Variants in PTPRD observed in about 807,000 individuals in gnomAD.
The protein encoded by PTPRD is receptor-type tyrosine-protein phosphatase delta.
A neutral mutation model predicts 214.5 loss-of-function variants in PTPRD; 34 were observed. The ratio of observed to expected loss-of-function variants is 0.16; its 90% CI spans 0.12 to 0.21. The LOEUF is 0.21. Among genes scored for constraint, PTPRD ranks in the 10% least tolerant of loss-of-function variants. The pLI, the probability that PTPRD is intolerant of heterozygous loss-of-function variation, is 1.00. For synonymous variants in PTPRD, 1,128 were observed against 845.7 expected (o/e 1.33, Z -5.79); for missense variants, 2,545 against 2,398.7 (o/e 1.06, Z -1.27).
At chr9:10,062,247 C>T (rs554880169) in intron 3 of PTPRD, among the ~76,000 whole-genome samples, 4 of 151,998 alleles carry the variant, frequency 2.6e-5, no homozygotes, top group Admixed American at 2.6e-4. Context: ...CTATCCACAG[C>T]GTGATAAGTA....
intron 5 of PTPRD, among the ~76,000 whole-genome samples, chr9:9,904,738 T>C (rs1161332177): frequency 6.6e-6 from 1 of 152,110 alleles, no homozygotes; most frequent in Non-Finnish European, 1.5e-5. Context: ...AAACATCTTT[T>C]TAATTTGAGA....
intron 11 of PTPRD, among the ~76,000 whole-genome samples, chr9:8,823,794 G>C (rs183443273): frequency 5.4e-4 from 82 of 152,306 alleles, no homozygotes; most frequent in Non-Finnish European, 1.0e-3. Flanking sequence ...CGCGAGAAAA[G>C]ATTAACGGTG....
At chr9:9,415,558 T>G (rs1473693444) in intron 8 of PTPRD, among the ~76,000 whole-genome samples, 4 of 152,176 alleles carry the variant, frequency 2.6e-5, no homozygotes, top group Non-Finnish European at 5.9e-5. Context: ...AAATGTTTGC[T>G]AAATTAGTGG....
intron 11 of PTPRD, among the ~76,000 whole-genome samples, chr9:8,841,066 T>C (rs978262788): frequency 3.3e-5 from 5 of 152,158 alleles, no homozygotes; most frequent in Non-Finnish European, 5.9e-5. Flanking sequence ...GATGAGAAGA[T>C]GGACTATTAA....
chr9:10,483,169 A>G (rs1320385555), intron 2 of PTPRD, among the ~76,000 whole-genome samples: 1 of 152,188 alleles, frequency 6.6e-6, no homozygotes, highest in Non-Finnish European at 1.5e-5. Context: ...ATCATATAAA[A>G]ACACAAATTG....
At chr9:8,538,624 CAT>C (rs1271623310) in intron 14 of PTPRD, among the ~76,000 whole-genome samples, 5 of 150,898 alleles carry the variant, frequency 3.3e-5, no homozygotes, top group Admixed American at 2.7e-4. Context: ...TATGTACACA[CAT>C]ATATATATAC....
chr9:9,799,931 G>A (rs1410267256), intron 5 of PTPRD, among the ~76,000 whole-genome samples: 2 of 151,990 alleles, frequency 1.3e-5, no homozygotes, highest in African/African-American at 4.8e-5. Context: ...AAAAGGACAA[G>A]GATTAAACCT....
intron 4 of PTPRD, among the ~76,000 whole-genome samples, chr9:10,032,728 C>T (rs1567206564): frequency 6.6e-6 from 1 of 152,080 alleles, no homozygotes; most frequent in African/African-American, 2.4e-5. Context: ...TGATAAAAAT[C>T]AGGAGAAGGC....
Position 8,636,734 on chromosome 9 carries a change from T to G in PTPRD, c.175A>C (p.Lys59Gln). ...TGATTGCTGACTTTCTTTCCTTTTT[T>G]GTTCCAGACAATTTTAGGTCTTGGG... The part of the protein sequence containing the change: ...GDPRPKIVWN[K>Q]KGKKVSNQRF... Residue 59 changes from lysine (K) to glutamine (Q), a missense_variant, in exon 13 of 46, where the codon AAA becomes CAA. Transcript: ENST00000381196. 6.2e-7 allele frequency: 1 copy of G among 1,614,102 alleles called. No individual in the cohort carries two copies. The highest frequency in any genetic ancestry group is 8.5e-7 in the Non-Finnish European group (1 of 1,179,970).
intron 2 of PTPRD, among the ~76,000 whole-genome samples, chr9:10,475,526 T>C (rs1434087313): frequency 1.3e-5 from 2 of 152,032 alleles, no homozygotes; most frequent in African/African-American, 2.4e-5. Context: ...CAGGACCAGA[T>C]GGATTCACAG....
At position 9,271,958 on chromosome 9, in the gene PTPRD, A is replaced by G. The variant is rs368990659; in HGVS notation, c.-202-88595T>C. Reference sequence around the variant, plus strand: ...GTTTATAGAGATACAAATCTGCTATATTGCATTATTATTTCTTTCATGAGG... The same window carrying G: ...GTTTATAGAGATACAAATCTGCTATGTTGCATTATTATTTCTTTCATGAGG... On this transcript the variant is annotated intron_variant, in intron 9 of 45. Coordinates refer to ENST00000381196, the MANE Select transcript of PTPRD (RefSeq NM_002839.4). 1.1e-3 allele frequency among the ~76,000 whole-genome samples: 168 copies of G among 151,448 alleles called. 2 individuals carry two copies. The South Asian group carries it at 0.033, about 30-fold the overall frequency.
At chr9:9,215,800 A>T (rs2099951770) in intron 9 of PTPRD, among the ~76,000 whole-genome samples, 1 of 152,170 alleles carries the variant, frequency 6.6e-6, no homozygotes, top group Non-Finnish European at 1.5e-5. Context: ...AAAATCCTCT[A>T]TGTATCAAGA....
chr9:8,907,400 C>T (rs1197661812), intron 11 of PTPRD, among the ~76,000 whole-genome samples: 1 of 151,214 alleles, frequency 6.6e-6, no homozygotes, highest in East Asian at 1.9e-4. Context: ...CACCTGTAAT[C>T]CCAGCTACTC....
intron 8 of PTPRD, among the ~76,000 whole-genome samples, chr9:9,509,995 G>T (rs533906376): frequency 2.0e-5 from 3 of 151,592 alleles, no homozygotes. Context: ...AGAAGAGTGA[G>T]AAATCAGAAC....
rs776781891 is a variant in PTPRD at position 8,460,452 on chromosome 9, G to C, written c.3834C>G (p.Val1278=). 1 of 1,613,422 alleles carries C rather than the reference G, an allele frequency of 6.2e-7. No individual in the cohort carries two copies. The highest frequency in any genetic ancestry group is 8.5e-7 in the Non-Finnish European group (1 of 1,179,598). ...TAGCAATGACAATGCAGATGATAAAGACCACTGCAAGGACAGGACCTACAA... is the reference window on the plus strand; with the variant it reads ...TAGCAATGACAATGCAGATGATAAACACCACTGCAAGGACAGGACCTACAA... ...IWVVGPVLAV[V]FIICIVIAIL... is the part of the protein sequence containing the mutation. Residue 1278 remains valine (V), a synonymous_variant, in exon 33 of 46, where the codon GTC becomes GTG. Transcript: ENST00000381196.
At chr9:10,026,868 A>C (rs1652963755) in intron 4 of PTPRD, among the ~76,000 whole-genome samples, 1 of 140,912 alleles carries the variant, frequency 7.1e-6, no homozygotes, top group Non-Finnish European at 1.6e-5. Context: ...AGTGTCTTTC[A>C]AAAAAAAAAA....
intron 9 of PTPRD, among the ~76,000 whole-genome samples, chr9:9,220,925 G>A (rs570097403): frequency 2.6e-4 from 40 of 152,188 alleles, no homozygotes; most frequent in Non-Finnish European, 5.0e-4. Context: ...TGGTGTATGA[G>A]TAGGAAAGTA....
At chr9:9,820,632 C>T (rs547069791) in intron 5 of PTPRD, among the ~76,000 whole-genome samples, 1 of 152,202 alleles carries the variant, frequency 6.6e-6, no homozygotes, top group Admixed American at 6.6e-5. Flanking sequence ...ACATTTAAAT[C>T]TTTAATCCAT....
intron 2 of PTPRD, among the ~76,000 whole-genome samples, chr9:10,473,307 T>A (rs1470624838): frequency 6.6e-6 from 1 of 152,112 alleles, no homozygotes; most frequent in Non-Finnish European, 1.5e-5. Flanking sequence ...CACATTCACA[T>A]ACCAAAAAGC....
Sources: allele counts gnomAD v4.1 joint callset (sites outside exome capture counted in the v4.1 genomes callset), GRCh38; gene constraint gnomAD v4.1.1; transcripts MANE v1.5; gene names NCBI Gene and HGNC (gene_info 2026-07-23, HGNC 2026-07-21).